ROBO2: variants seen among roughly 807,000 people sequenced by gnomAD.
The protein encoded by ROBO2 is roundabout homolog 2.
ROBO2 carries 53 observed loss-of-function variants against 160.8 expected under a neutral mutation model. That is an observed-to-expected ratio of 0.33 (90% CI 0.26 to 0.41). ROBO2 has a LOEUF of 0.41. Among genes scored for constraint, ROBO2 ranks in the 10% least tolerant of loss-of-function variants. The probability of loss-of-function intolerance (pLI) is 1.00; values close to 1 mark genes in which losing one functional copy is unlikely to be tolerated. For missense variants in ROBO2, 1,577 were observed against 1,722.4 expected (o/e 0.92, Z 1.49); for synonymous variants, 664 against 611.7 (o/e 1.09, Z -1.26).
intron 2 of ROBO2, among the ~76,000 whole-genome samples, chr3:77,024,603 A>C (rs1050682207): frequency 2.0e-5 from 3 of 152,188 alleles, no homozygotes; most frequent in Non-Finnish European, 4.4e-5. Flanking sequence ...GAAATAACCA[A>C]GACCTGGGAG....
At chr3:76,595,661 G>A (rs1053759846) in intron 2 of ROBO2, among the ~76,000 whole-genome samples, 2 of 151,952 alleles carry the variant, frequency 1.3e-5, no homozygotes, top group Admixed American at 6.6e-5. Context: ...TGTATTGCAC[G>A]GAAAGGCCAA....
chr3:76,058,582 G>A (rs1341717401), intron 2 of ROBO2, among the ~76,000 whole-genome samples: 1 of 119,258 alleles, frequency 8.4e-6, no homozygotes, highest in Non-Finnish European at 1.7e-5. Context: ...CGTCGAAACA[G>A]CAGAAACTTT....
intron 2 of ROBO2, among the ~76,000 whole-genome samples, chr3:76,782,432 C>A (rs1180618757): frequency 6.6e-6 from 1 of 150,470 alleles, no homozygotes; most frequent in Non-Finnish European, 1.5e-5. Context: ...AGTCTGTTTC[C>A]TTATTGATTT....
intron 2 of ROBO2, among the ~76,000 whole-genome samples, chr3:76,121,282 C>G (rs974850608): frequency 6.6e-5 from 10 of 152,056 alleles, no homozygotes; most frequent in African/African-American, 2.2e-4. Flanking sequence ...ATTTACCTTT[C>G]CTAGTTCAAT....
At chr3:76,351,337 T>C (rs1482427958) in intron 2 of ROBO2, among the ~76,000 whole-genome samples, 1 of 151,946 alleles carries the variant, frequency 6.6e-6, no homozygotes, top group Non-Finnish European at 1.5e-5. Context: ...AATAATTGTC[T>C]ATGTTAAAAG....
At chr3:76,007,576 G>A (rs1012392246) in intron 2 of ROBO2, among the ~76,000 whole-genome samples, 2 of 151,994 alleles carry the variant, frequency 1.3e-5, no homozygotes, top group South Asian at 2.1e-4. Context: ...TTAAATAGCC[G>A]GAAATGAAAT....
At chr3:76,280,157 C>G (rs1261915688) in intron 2 of ROBO2, among the ~76,000 whole-genome samples, 1 of 151,846 alleles carries the variant, frequency 6.6e-6, no homozygotes, top group African/African-American at 2.4e-5. Flanking sequence ...TCTGTTAAAG[C>G]GAATAGTCTT....
At chr3:76,823,679 G>T (rs926069608) in intron 2 of ROBO2, among the ~76,000 whole-genome samples, 16 of 151,998 alleles carry the variant, frequency 1.1e-4, no homozygotes, top group Admixed American at 2.0e-4. Flanking sequence ...AACATCCCAG[G>T]CAAAGAGAAT....
chr3:77,464,770 A>G (rs1176668907), intron 2 of ROBO2, among the ~76,000 whole-genome samples: 1 of 152,202 alleles, frequency 6.6e-6, no homozygotes, highest in African/African-American at 2.4e-5. Context: ...CTGTTAGTCC[A>G]TACTTCATAT....
At chr3:76,043,323 A>C (rs986212913) in intron 2 of ROBO2, among the ~76,000 whole-genome samples, 1 of 151,628 alleles carries the variant, frequency 6.6e-6, no homozygotes, top group South Asian at 2.1e-4. Context: ...GGTCTTCTTG[A>C]GCCTAAAGCT....
intron 2 of ROBO2, among the ~76,000 whole-genome samples, chr3:75,966,075 C>A (rs1949099149): frequency 6.6e-6 from 1 of 151,668 alleles, no homozygotes; most frequent in Admixed American, 6.6e-5. Context: ...GCATGTTCAT[C>A]TTAACTTGAC....
At chr3:76,036,729 C>G (rs556925911) in intron 2 of ROBO2, among the ~76,000 whole-genome samples, 1 of 151,798 alleles carries the variant, frequency 6.6e-6, no homozygotes, top group Admixed American at 6.6e-5. Context: ...GTCTCGAACT[C>G]CCGACCTCAG....
chr3:77,260,674 T>C (rs908953778), intron 2 of ROBO2, among the ~76,000 whole-genome samples: 8 of 152,146 alleles, frequency 5.3e-5, no homozygotes, highest in African/African-American at 1.9e-4. Flanking sequence ...TTATCCAAGG[T>C]CCCACAAGCG....
intron 2 of ROBO2, among the ~76,000 whole-genome samples, chr3:77,119,367 A>G (rs1366463209): frequency 6.6e-6 from 1 of 152,218 alleles, no homozygotes; most frequent in Non-Finnish European, 1.5e-5. Context: ...ATACAGTATT[A>G]TAACCTTACG....
intron 2 of ROBO2, among the ~76,000 whole-genome samples, chr3:76,163,983 A>G (rs564458955): frequency 1.3e-5 from 2 of 152,298 alleles, no homozygotes; most frequent in African/African-American, 2.4e-5. Context: ...ATGCTGTTTG[A>G]CAGCATTTTC....
intron 2 of ROBO2, among the ~76,000 whole-genome samples, chr3:76,119,499 A>C (rs988519207): frequency 4.6e-5 from 7 of 152,058 alleles, no homozygotes; most frequent in Admixed American, 2.6e-4. Context: ...GTCCAATAAA[A>C]TATTAATGGT....
chr3:76,932,210 T>C (rs1260046806), intron 2 of ROBO2, among the ~76,000 whole-genome samples: 1 of 152,096 alleles, frequency 6.6e-6, no homozygotes, highest in African/African-American at 2.4e-5. Context: ...AAAAAGAATA[T>C]GAAATTTTTA....
intron 6 of ROBO2, among the ~76,000 whole-genome samples, chr3:77,525,404 C>A (rs62251113): frequency 0.3 from 41,943 of 141,028 alleles, 6,913 homozygotes; most frequent in Middle Eastern, 0.38. Flanking sequence ...TCAGTTATTT[C>A]CCATTTCAAA....
chr3:77,309,194 A>G (rs559745148), intron 2 of ROBO2, among the ~76,000 whole-genome samples: 2 of 151,884 alleles, frequency 1.3e-5, no homozygotes, highest in African/African-American at 4.8e-5. Flanking sequence ...TTACTTTCAT[A>G]TATATTCTAA....
Sources: gnomAD v4.1 joint callset for allele counts (sites outside exome capture counted in the v4.1 genomes callset) on GRCh38, gnomAD v4.1.1 for gene constraint, MANE v1.5 for transcripts, NCBI Gene and HGNC (gene_info 2026-07-23, HGNC 2026-07-21) for gene names.